LRRC43: variants seen among roughly 807,000 people sequenced by gnomAD.
The protein encoded by LRRC43 is leucine-rich repeat-containing protein 43.
LRRC43 carries 62 observed loss-of-function variants against 64.3 expected under a neutral mutation model. The observed-to-expected ratio is 0.96, with a 90% confidence interval of 0.79 to 1.19. LRRC43 has a LOEUF of 1.19. Ranked by LOEUF, LRRC43 falls within the 50% of genes most tolerant of loss-of-function variation. The pLI, the probability that LRRC43 is intolerant of heterozygous loss-of-function variation, is 0.00. For missense variants in LRRC43, 868 were observed against 845.0 expected (o/e 1.03, Z -0.34); for synonymous variants, 422 against 382.3 (o/e 1.10, Z -1.21).
chr12:122,199,937 A>C (rs540281330), intron 7 of LRRC43, among the ~76,000 whole-genome samples: 1 of 152,028 alleles, frequency 6.6e-6, no homozygotes, highest in Non-Finnish European at 1.5e-5. Flanking sequence ...GGTTTCTTTC[A>C]GTTGCTCAGG....
intron 4 of LRRC43, among the ~76,000 whole-genome samples, chr12:122,188,794 C>T (rs1161536870): frequency 6.6e-6 from 1 of 152,172 alleles, no homozygotes; most frequent in African/African-American, 2.4e-5. Context: ...GGCATCGGAA[C>T]CCCATCACCC....
At chr12:122,201,777 G>A (rs1242189184) in intron 11 of LRRC43, among the ~76,000 whole-genome samples, 3 of 152,200 alleles carry the variant, frequency 2.0e-5, no homozygotes, top group Admixed American at 1.3e-4. Flanking sequence ...GAGTGCCGTG[G>A]GAGGTGGCTG....
chr12:122,196,094 G>A (rs544363066), intron 7 of LRRC43, among the ~76,000 whole-genome samples: 42 of 152,136 alleles, frequency 2.8e-4, no homozygotes, highest in Non-Finnish European at 6.0e-4. Flanking sequence ...TTGCCCTGAT[G>A]TTGGCCCTGA....
intron 4 of LRRC43, chr12:122,189,661 C>T (rs973062890): frequency 1.6e-5 from 6 of 368,580 alleles, no homozygotes; most frequent in Non-Finnish European, 3.2e-5. Flanking sequence ...TTCTAGACCG[C>T]CCAGCCCTCC....
rs1566013711 is a variant in LRRC43, at chr12:122,200,798, A to G, written c.1673A>G (p.Asp558Gly). 2 of 1,612,230 alleles carry G rather than the reference A, an allele frequency of 1.2e-6. No homozygotes were observed. Among genetic ancestry groups the G allele is most frequent in the Admixed American group, 3.3e-5 (2 of 59,958 alleles). Residue 558 changes from aspartate (D) to glycine (G), a missense_variant, in exon 10 of 12, where the codon GAC becomes GGC. Asp to Gly is a moderately conservative substitution (Grantham distance 94). Coordinates refer to ENST00000339777, the MANE Select transcript of LRRC43 (RefSeq NM_001098519.2). This position sits in a 1 kb window ranked among gnomAD's most constrained non-coding sequence, Gnocchi z 4.6. ...KKEPPKELRQ[D>G]PPILQVLGRG... Reference sequence around the variant, plus strand: ...GAGCCGCCCAAGGAGCTCCGGCAGGACCCCCCCATCCTCCAGGTGCTGGGC... The same window carrying G: ...GAGCCGCCCAAGGAGCTCCGGCAGGGCCCCCCCATCCTCCAGGTGCTGGGC...
In LRRC43 at chr12:122,200,881, T is replaced by G; in HGVS notation, c.1756T>G (p.Cys586Gly). 1 of 1,612,782 alleles carries G rather than the reference T, an allele frequency of 6.2e-7. No homozygotes were observed. Among genetic ancestry groups the G allele is most frequent in the Non-Finnish European group, 8.5e-7 (1 of 1,179,734 alleles). The change falls in exon 10 of 12, where the codon TGC (cysteine) becomes GGC (glycine). Residue 586 changes from cysteine (C) to glycine (G), a missense_variant. Physicochemically the swap from Cys to Gly is radical, Grantham distance 159 (BLOSUM62 -3). Transcript: ENST00000339777. The surrounding 1 kb of genome is among the most constrained non-coding windows in gnomAD (Gnocchi z 4.6). ...CGGGGAGCCCCTGGTGTCCACCGTG[T>G]GCAACTTCGGCGTGGTCCGCACATT... ...LAGEPLVSTV[C>G]NFGVVRTLTS...
chr12:122,182,757 G>T (rs1193907010), upstream of LRRC43, among the ~76,000 whole-genome samples: 1 of 152,000 alleles, frequency 6.6e-6, no homozygotes, highest in African/African-American at 2.4e-5. Flanking sequence ...TTATACAGGT[G>T]GACAGTGATA....
At position 122,184,451 on chromosome 12, in the gene LRRC43, T is replaced by G; in HGVS notation, c.151-68T>G. ...CGTCCAGTTTTATGATCTGTTCTGTTTTGAGAGTTTGGTGTCCTTAAGGGG... is the reference window on the plus strand; with the variant it reads ...CGTCCAGTTTTATGATCTGTTCTGTGTTGAGAGTTTGGTGTCCTTAAGGGG... On this transcript the variant is annotated intron_variant, in intron 1 of 11. Transcript: ENST00000339777. The surrounding 1 kb of genome is among the most constrained non-coding windows in gnomAD (Gnocchi z 4.0). 6.4e-7 allele frequency: 1 copy of G among 1,553,730 alleles called. No homozygotes were observed. The highest frequency in any genetic ancestry group is 8.7e-7 in the Non-Finnish European group (1 of 1,143,176).
intron 3 of LRRC43, 75 bp downstream of exon 3, chr12:122,186,375 A>AT: frequency 4.4e-6 from 4 of 918,906 alleles, no homozygotes; most frequent in Non-Finnish European, 6.9e-6. Flanking sequence ...TGCCCCACAT[A>AT]GTGTGGCCAG....
Position 122,184,453 on chromosome 12 carries a change from T to G in LRRC43, c.151-66T>G, listed in dbSNP as rs780486946. On this transcript the variant is annotated intron_variant, in intron 1 of 11. Transcript: ENST00000339777. This position sits in a 1 kb window ranked among gnomAD's most constrained non-coding sequence, Gnocchi z 4.0. ...TCCAGTTTTATGATCTGTTCTGTTT[T>G]GAGAGTTTGGTGTCCTTAAGGGGGC... 116 of 1,557,820 alleles carry G rather than the reference T, an allele frequency of 7.4e-5. No individual in the cohort carries two copies. The highest frequency in any genetic ancestry group is 9.4e-5 in the Non-Finnish European group (108 of 1,145,386).
chr12:122,176,126 C>T (rs1003472731), intron 1 of LRRC43, among the ~76,000 whole-genome samples: 2 of 152,128 alleles, frequency 1.3e-5, no homozygotes, highest in African/African-American at 2.4e-5. Context: ...AGCACTGTGA[C>T]GGTTGGAGAG....
intron 3 of LRRC43, 116 bp downstream of exon 3, chr12:122,186,416 C>G (rs1184059328): frequency 1.5e-6 from 1 of 652,226 alleles, no homozygotes; most frequent in East Asian, 2.7e-5. Context: ...CAGCTCCAGG[C>G]TTTTAAAATG....
Position 122,183,189 on chromosome 12 carries a change from C to T in LRRC43, c.45C>T (p.Ala15=). Residue 15 remains alanine, a synonymous_variant, in exon 1 of 12, where the codon GCC becomes GCT. Coordinates refer to ENST00000339777, the MANE Select transcript of LRRC43 (RefSeq NM_001098519.2). The part of the protein sequence containing the change: ...YESESESESE[A]GPGTQRPGTG... ...CCGAGTCCGAGTCCGAGTCTGAGGC[C>T]GGGCCTGGGACTCAGCGGCCCGGGA... 1.3e-6 allele frequency: 2 copies of T among 1,560,806 alleles called. No homozygotes were observed. Among genetic ancestry groups the T allele is most frequent in the Non-Finnish European group, 8.6e-7 (1 of 1,160,964 alleles).
Position 122,187,833 on chromosome 12 carries a change from A to G in LRRC43, c.655A>G (p.Asn219Asp), listed in dbSNP as rs775753716. Residue 219 changes from asparagine (N) to aspartate (D), a missense_variant, in exon 4 of 12, where the codon AAT (asparagine) becomes GAT (aspartate). Physicochemically the swap from Asn to Asp is conservative, Grantham distance 23. Transcript: ENST00000339777. ...CTTGGAAAGTCTCTACGTCACCGCTAATCACTGGTAACTCGGGAGCCCAGA... is the reference window on the plus strand; with the variant it reads ...CTTGGAAAGTCTCTACGTCACCGCTGATCACTGGTAACTCGGGAGCCCAGA... ...GPLESLYVTANHWPNLVSLDL... is the reference protein window; with the variant it reads ...GPLESLYVTADHWPNLVSLDL... The G allele has an allele frequency of 1.7e-5, 27 of 1,613,912 alleles. No individual in the cohort carries two copies. Among genetic ancestry groups the G allele is most frequent in the African/African-American group, 2.7e-5 (2 of 74,932 alleles).
rs751403273 is a variant in LRRC43 at position 122,192,909 on chromosome 12, G to C, written c.1254G>C (p.Ser418=). The C allele has an allele frequency of 1.9e-5, 30 of 1,614,006 alleles. No homozygotes were observed. The highest frequency in any genetic ancestry group is 2.2e-5 in the South Asian group (2 of 91,084). ...GAGAGTCGGAGCTGTCTGTCATCTC[G>C]GGGCCTTCGACCATCTTGCAGATGC... ...ESGESELSVI[S]GPSTILQMPR... The change falls in exon 7 of 12, where the codon TCG becomes TCC. Residue 418 remains serine (S), a synonymous_variant. Transcript: ENST00000339777.
rs776035581 is a variant in LRRC43, at chr12:122,200,603, A to AGAC, written c.1564_1566dup (p.Asp522dup). ...CTGCCAAGAAAGGAAAGGGGGAGAA[A>AGAC]GACAAGAAAGGGAAGGAGAAAGACA... is the stretch of plus-strand genomic sequence containing the variant. On this transcript the variant is annotated inframe_insertion, in exon 9 of 12. Coordinates refer to ENST00000339777, the MANE Select transcript of LRRC43 (RefSeq NM_001098519.2). This position sits in a 1 kb window ranked among gnomAD's most constrained non-coding sequence, Gnocchi z 4.6. The AGAC allele has an allele frequency of 1.9e-6, 3 of 1,614,156 alleles. No homozygotes were observed. The highest frequency in any genetic ancestry group is 2.5e-6 in the Non-Finnish European group (3 of 1,180,018).
Position 122,201,421 on chromosome 12 carries a change from G to A in LRRC43, c.1843+92G>A, listed in dbSNP as rs553518744. ...GGGAGGCCAAAGGAACCAAAGGGTG[G>A]GGAATGGTAGCTTCTGGCCTGGGGA... On this transcript the variant is annotated intron_variant, in intron 11 of 11. Coordinates refer to ENST00000339777, the MANE Select transcript of LRRC43 (RefSeq NM_001098519.2). The A allele has an allele frequency of 6.1e-6, 7 of 1,149,062 alleles. No individual in the cohort carries two copies. The East Asian group carries it at 9.3e-5, about 15-fold the overall frequency. The allele number at this position is 1,149,062 out of a possible 1,614,324, so 71.2% of individuals were successfully genotyped here.
intron 7 of LRRC43, among the ~76,000 whole-genome samples, chr12:122,198,463 C>T (rs1165359922): frequency 6.6e-6 from 1 of 152,034 alleles, no homozygotes; most frequent in Non-Finnish European, 1.5e-5. Flanking sequence ...TCCAAGGCAA[C>T]CATTAAAGTA....
rs549688310 is a variant in LRRC43 at position 122,190,103 on chromosome 12, C to T, written c.663-27C>T. The T allele has an allele frequency of 5.9e-5, 94 of 1,594,314 alleles. No homozygotes were observed. In the South Asian group the frequency reaches 8.5e-4, roughly 14 times the overall value. On this transcript the variant is annotated intron_variant, in intron 4 of 11. Transcript: ENST00000339777. ...CCCCCTGCTCACCTGGCTTCTTGAC[C>T]CCCAGACGGTCCTGCTCACCTTCCA... is the stretch of plus-strand genomic sequence containing the variant.
Sources: gnomAD v4.1 joint callset for allele counts (sites outside exome capture counted in the v4.1 genomes callset) on GRCh38, gnomAD v4.1.1 for gene constraint, Gnocchi (gnomAD v3.1) non-coding constraint, MANE v1.5 for transcripts, NCBI Gene and HGNC (gene_info 2026-07-23, HGNC 2026-07-21) for gene names.